The following TMPRSS11B variants were observed in gnomAD, a reference collection of about 807,000 sequenced individuals.
TMPRSS11B encodes transmembrane protease serine 11B.
Under a neutral mutation model 44.7 loss-of-function variants are expected in TMPRSS11B, and 53 were observed. The ratio of observed to expected loss-of-function variants is 1.19; its 90% CI spans 0.95 to 1.49. The LOEUF is 1.49. Ranked by LOEUF, TMPRSS11B falls within the 40% of genes most tolerant of loss-of-function variation. TMPRSS11B has a pLI of 0.00. For synonymous variants in TMPRSS11B, 140 were observed against 159.2 expected (o/e 0.88, Z 0.91); for missense variants, 526 against 494.8 (o/e 1.06, Z -0.60).
At chr4:68,241,314 A>G (rs1366848364) in intron 2 of TMPRSS11B, among the ~76,000 whole-genome samples, 2 of 152,168 alleles carry the variant, frequency 1.3e-5, no homozygotes, top group Non-Finnish European at 2.9e-5. Context: ...CTACTTATTC[A>G]TCATATCTTA....
Position 68,232,406 on chromosome 4 carries a change from C to T in TMPRSS11B, c.480G>A (p.Lys160=), listed in dbSNP as rs1204640649. 20 of 1,611,134 alleles carry T rather than the reference C, an allele frequency of 1.2e-5. No homozygotes were observed. Among genetic ancestry groups the T allele is most frequent in the East Asian group, 4.5e-5 (2 of 44,702 alleles). ...PASIKLMEIS[K]AASEMLTNNC... is the part of the protein sequence containing the mutation. The stretch of plus-strand genomic sequence containing the variant: ...TGTTGGTAAGCATTTCAGAAGCAGC[C>T]TTGCTGATTTCTGAAAGTGAAAAAC... Residue 160 remains lysine, a synonymous_variant, in exon 6 of 10, where the codon AAG becomes AAA. Coordinates refer to ENST00000332644, the MANE Select transcript of TMPRSS11B (RefSeq NM_182502.3).
rs201568602 is a variant in TMPRSS11B, at chr4:68,229,180, A to ATGATTGATTGAT, written c.946+65_946+76dup. On this transcript the variant is annotated intron_variant, in intron 8 of 9. Coordinates refer to ENST00000332644, the MANE Select transcript of TMPRSS11B (RefSeq NM_182502.3). ...ACTGATTGATTAATTGCATGAGGGG[A>ATGATTGATTGAT]TGATTGATTGATTGATTGATTGATT... is the stretch of plus-strand genomic sequence containing the variant. 7 of 1,289,334 alleles carry ATGATTGATTGAT rather than the reference A, an allele frequency of 5.4e-6. No homozygotes were observed. The African/African-American group carries it at 1.2e-4, about 22-fold the overall frequency. 79.9% of individuals were successfully genotyped at this position (1,289,334 alleles called of 1,614,324 possible).
chr4:68,242,077 CT>C (rs1560445248), intron 1 of TMPRSS11B, among the ~76,000 whole-genome samples: 1 of 146,824 alleles, frequency 6.8e-6, no homozygotes, highest in Non-Finnish European at 1.5e-5. Context: ...AATTGACTTG[CT>C]TTTTTTAAAA....
At chr4:68,244,564 G>T (rs577699650) in intron 1 of TMPRSS11B, among the ~76,000 whole-genome samples, 1 of 152,082 alleles carries the variant, frequency 6.6e-6, no homozygotes, top group South Asian at 2.1e-4. Flanking sequence ...TCCATCACAG[G>T]GGAAAAAAAT....
rs116562587 is a variant in TMPRSS11B, at chr4:68,239,260, T to G, written c.124+2429A>C. Among the ~76,000 whole-genome samples, 390 of 145,014 alleles carry G rather than the reference T, an allele frequency of 2.7e-3. 1 individual carries two copies. Among genetic ancestry groups the G allele is most frequent in the African/African-American group, 0.01 (373 of 36,602 alleles). On this transcript the variant is annotated intron_variant, in intron 2 of 9. Transcript: ENST00000332644. ...GACCAGATCTCTCTTGCGCGCTCTCTCTCGCGCGCGCGCTCTCTCTCTCGC... is the reference window on the plus strand; with the variant it reads ...GACCAGATCTCTCTTGCGCGCTCTCGCTCGCGCGCGCGCTCTCTCTCTCGC...
chr4:68,231,345 C>T lies in TMPRSS11B; in HGVS notation c.544G>A (p.Gly182Ser), dbSNP rs755290257. The change falls in exon 7 of 10, where the codon GGC becomes AGC. Residue 182 changes from glycine (G) to serine (S), a missense_variant. Coordinates refer to ENST00000332644, the MANE Select transcript of TMPRSS11B (RefSeq NM_182502.3). ...CTTTTTCCATTCACAATTTTGTTGCCAGTTATGATACTGTTGGCTACTTGT... is the reference window on the plus strand; with the variant it reads ...CTTTTTCCATTCACAATTTTGTTGCTAGTTATGATACTGTTGGCTACTTGT... ...GRQVANSIIT[G>S]NKIVNGKSSL... 1.2e-6 allele frequency: 2 copies of T among 1,613,800 alleles called. No individual in the cohort carries two copies. Among genetic ancestry groups the T allele is most frequent in the Admixed American group, 3.3e-5 (2 of 59,980 alleles).
intron 2 of TMPRSS11B, among the ~76,000 whole-genome samples, chr4:68,237,200 T>G (rs1026926081): frequency 1.3e-5 from 2 of 152,140 alleles, no homozygotes; most frequent in Non-Finnish European, 2.9e-5. Context: ...TTTGGTTTTC[T>G]GTTCCTGTGT....
chr4:68,242,494 A>G (rs1281325804), intron 1 of TMPRSS11B, among the ~76,000 whole-genome samples: 2 of 141,714 alleles, frequency 1.4e-5, no homozygotes, highest in East Asian at 4.1e-4. Flanking sequence ...AATAATCTCT[A>G]TGTAATAAAA....
rs997466004 is a variant in TMPRSS11B at position 68,245,498 on chromosome 4, T to A, written c.8+53A>T. The A allele has an allele frequency of 3.8e-6, 6 of 1,592,646 alleles. No homozygotes were observed. In the East Asian group the frequency reaches 8.9e-5, roughly 24 times the overall value. Reference sequence around the variant, plus strand: ...TAACAAAAAACTAGAACATACTTAATGGCAACTTGCTACATTTTGCCAACT... The same window carrying A: ...TAACAAAAAACTAGAACATACTTAAAGGCAACTTGCTACATTTTGCCAACT... On this transcript the variant is annotated intron_variant, in intron 1 of 9. Transcript: ENST00000332644.
Position 68,242,268 on chromosome 4 carries a change from TATA to T in TMPRSS11B, c.9-467_9-465del, listed in dbSNP as rs1321079058. ...ATTATATATATTATAATATATATAA[TATA>T]ATATTATATATATTATATTATACAT... On this transcript the variant is annotated intron_variant, in intron 1 of 9. Coordinates refer to ENST00000332644, the MANE Select transcript of TMPRSS11B (RefSeq NM_182502.3). Among the ~76,000 whole-genome samples the T allele has an allele frequency of 6.6e-4, 52 of 78,846 alleles. 1 individual carries two copies. Among genetic ancestry groups the T allele is most frequent in the African/African-American group, 2.9e-3 (47 of 16,168 alleles). The allele number at this position is 78,846 out of a possible 152,430, so 51.7% of individuals were successfully genotyped here.
At chr4:68,234,393 T>G in intron 5 of TMPRSS11B, 70 bp downstream of exon 5, 1 of 1,515,010 alleles carries the variant, frequency 6.6e-7, no homozygotes, top group Non-Finnish European at 8.9e-7. Flanking sequence ...AGTTCACTTT[T>G]TAGTACTTTT....
Position 68,229,300 on chromosome 4 carries a change from A to G in TMPRSS11B, c.903T>C (p.Asn301=). ...CCCAACCTGTAACTACAACATTGTCATTTTCTGAGAGCTTCATTTTGGCTT... is the reference window on the plus strand; with the variant it reads ...CCCAACCTGTAACTACAACATTGTCGTTTTCTGAGAGCTTCATTTTGGCTT... ...LPEAKMKLSE[N]DNVVVTGWGT... The change falls in exon 8 of 10, where the codon AAT becomes AAC. Residue 301 remains asparagine, a synonymous_variant. Coordinates refer to ENST00000332644, the MANE Select transcript of TMPRSS11B (RefSeq NM_182502.3). The G allele has an allele frequency of 2.5e-6, 4 of 1,613,158 alleles. No individual in the cohort carries two copies. The highest frequency in any genetic ancestry group is 3.4e-6 in the Non-Finnish European group (4 of 1,179,564).
chr4:68,238,255 T>C (rs1719728234), intron 2 of TMPRSS11B, among the ~76,000 whole-genome samples: 1 of 152,150 alleles, frequency 6.6e-6, no homozygotes. Context: ...TAGATTCTTA[T>C]ATTTTTCCTT....
At chr4:68,231,403 C>T (rs759010288) in intron 6 of TMPRSS11B, 23 bp from the exon 7 acceptor site, 28 of 1,580,736 alleles carry the variant, frequency 1.8e-5, no homozygotes, top group South Asian at 1.5e-4. Flanking sequence ...TTTATTTACA[C>T]GAGAGCAGGT....
At chr4:68,228,285 C>A (rs1249040657) in intron 9 of TMPRSS11B, among the ~76,000 whole-genome samples, 3 of 152,040 alleles carry the variant, frequency 2.0e-5, no homozygotes, top group Non-Finnish European at 1.5e-5. Context: ...TTGAGCAAAC[C>A]AGAGTTTGAC....
At chr4:68,241,830 A>G (rs759188188) in intron 1 of TMPRSS11B, 26 bp from the exon 2 acceptor site, 1 of 1,389,102 alleles carries the variant, frequency 7.2e-7, no homozygotes, top group Non-Finnish European at 1.0e-6. Context: ...ATTTTGGTTC[A>G]AATCAGATAA....
At chr4:68,244,059 G>A (rs1719936654) in intron 1 of TMPRSS11B, among the ~76,000 whole-genome samples, 1 of 151,992 alleles carries the variant, frequency 6.6e-6, no homozygotes, top group Non-Finnish European at 1.5e-5. Context: ...TGTAGCCTCT[G>A]GGAATTTATT....
chr4:68,242,558 A>G (rs34174148), intron 1 of TMPRSS11B, among the ~76,000 whole-genome samples: 101,416 of 145,718 alleles, frequency 0.7, 37,106 homozygotes, highest in East Asian at 0.99. Flanking sequence ...CTTTTTTTTA[A>G]TTTTCTTTCT....
Position 68,228,810 on chromosome 4 carries a change from A to G in TMPRSS11B, c.1021T>C (p.Tyr341His), listed in dbSNP as rs1238786930. 4.3e-5 allele frequency: 70 copies of G among 1,613,774 alleles called. No homozygotes were observed. The highest frequency in any genetic ancestry group is 5.7e-5 in the Non-Finnish European group (67 of 1,179,884). Residue 341 changes from tyrosine to histidine, a missense_variant, in exon 9 of 10, where the codon TAC becomes CAC. By Grantham distance (83) the Tyr-to-His change is moderately conservative. Coordinates refer to ENST00000332644, the MANE Select transcript of TMPRSS11B (RefSeq NM_182502.3). ...DNKICNASYA[Y>H]SGFVTDTMLC... ...ATTGTATCAGTCACAAAGCCAGAGT[A>G]TGCATATGAGGCATTGCAAATTTTG...
Sources: allele counts gnomAD v4.1 joint callset (sites outside exome capture counted in the v4.1 genomes callset), GRCh38; gene constraint gnomAD v4.1.1; transcripts MANE v1.5; gene names NCBI Gene and HGNC (gene_info 2026-07-23, HGNC 2026-07-21).